The following RUNDC3A variants were observed in gnomAD, a reference collection of about 807,000 sequenced individuals.
RUNDC3A encodes RUN domain-containing protein 3A.
Under a neutral mutation model 53.9 loss-of-function variants are expected in RUNDC3A, and 28 were observed. The ratio of observed to expected loss-of-function variants is 0.52; its 90% CI spans 0.38 to 0.71. RUNDC3A has a LOEUF of 0.71. Among genes scored for constraint, RUNDC3A ranks in the 30% least tolerant of loss-of-function variants. The pLI is 0.00. For missense variants in RUNDC3A, 491 were observed against 597.3 expected (o/e 0.82, Z 1.85); for synonymous variants, 232 against 249.4 (o/e 0.93, Z 0.66).
chr17:44,318,331 T>G lies in RUNDC3A; in HGVS notation c.*93T>G. ...AGAGTCCCCCAATCCAGGCTACCCT[T>G]CCAGAGAACGCTACCCACCCAGCCA... On this transcript the variant is annotated 3_prime_UTR_variant, in exon 11 of 11. Transcript: ENST00000426726. 1 of 1,354,052 alleles carries G rather than the reference T, an allele frequency of 7.4e-7. No individual in the cohort carries two copies. Among genetic ancestry groups the G allele is most frequent in the South Asian group, 1.3e-5 (1 of 76,146 alleles). 83.9% of individuals were successfully genotyped at this position (1,354,052 alleles called of 1,614,324 possible). A position where few individuals can be genotyped will look rare whatever the true frequency, so the allele number is the denominator to read the frequency against.
rs1436118879 is a variant in RUNDC3A, at chr17:44,316,391, T to C, written c.960T>C (p.Gly320=). The part of the protein sequence containing the change: ...VILELQEQLT[G]LIPSDHAPLA... ...CTCCTCCTCCCCCTCCCAGGACAGGTCTGATCCCCAGTGACCACGCCCCTC... is the reference window on the plus strand; with the variant it reads ...CTCCTCCTCCCCCTCCCAGGACAGGCCTGATCCCCAGTGACCACGCCCCTC... The change falls in exon 9 of 11, where the codon GGT becomes GGC. Residue 320 remains glycine, a synonymous_variant. Transcript: ENST00000426726. 3 of 1,613,092 alleles carry C rather than the reference T, an allele frequency of 1.9e-6. No individual in the cohort carries two copies. The highest frequency in any genetic ancestry group is 1.7e-6 in the Non-Finnish European group (2 of 1,179,328).
Position 44,318,190 on chromosome 17 carries a change from C to G in RUNDC3A, c.1293C>G (p.Cys431Trp). ...TGGCGAGCTTCAAATCCAACGAGTG[C>G]CTGGTGAGCGACAGTCCCGAGGGCA... Reference protein sequence around the residue: ...KSLASFKSNECLVSDSPEGSP... With the variant: ...KSLASFKSNEWLVSDSPEGSP... Residue 431 changes from cysteine (C) to tryptophan (W), a missense_variant, in exon 11 of 11, where the codon TGC becomes TGG. Cys to Trp is a radical substitution (Grantham distance 215). Transcript: ENST00000426726. 6.4e-7 allele frequency: 1 copy of G among 1,551,456 alleles called. No homozygotes were observed. Among genetic ancestry groups the G allele is most frequent in the Non-Finnish European group, 8.7e-7 (1 of 1,147,004 alleles).
At chr17:44,317,441 A>G (rs756227870) in intron 10 of RUNDC3A, 2 of 780,784 alleles carry the variant, frequency 2.6e-6, no homozygotes. Flanking sequence ...CACACTGTGA[A>G]CTACTTGCCT....
intron 4 of RUNDC3A, 74 bp downstream of exon 4, chr17:44,313,577 A>C (rs967244821): frequency 6.5e-7 from 1 of 1,527,248 alleles, no homozygotes. Context: ...CTGATCCTTA[A>C]GTTCCTGCAG....
At position 44,316,432 on chromosome 17, in the gene RUNDC3A, A is replaced by G; in HGVS notation, c.1001A>G (p.Lys334Arg). The G allele has an allele frequency of 1.2e-6, 2 of 1,613,748 alleles. No individual in the cohort carries two copies. Among genetic ancestry groups the G allele is most frequent in the South Asian group, 1.1e-5 (1 of 91,074 alleles). The change falls in exon 9 of 11, where the codon AAG becomes AGG. Residue 334 changes from lysine to arginine, a missense_variant. By Grantham distance (26) the Lys-to-Arg change is conservative (BLOSUM62 2). Transcript: ENST00000426726. ...CACGCCCCTCTGGCCCAGGGTTCCAAGGAGCTCACTACACCCCTGGTCAAT... is the reference window on the plus strand; with the variant it reads ...CACGCCCCTCTGGCCCAGGGTTCCAGGGAGCTCACTACACCCCTGGTCAAT... Reference protein sequence around the residue: ...SDHAPLAQGSKELTTPLVNQW... With the variant: ...SDHAPLAQGSRELTTPLVNQW...
At chr17:44,317,026 TGTA>T in intron 10 of RUNDC3A, 1 of 413,490 alleles carries the variant, frequency 2.4e-6, no homozygotes, top group Non-Finnish European at 4.3e-6. Flanking sequence ...GGCTAATTTG[TGTA>T]TTTTTAGTAG....
chr17:44,317,993 C>A, intron 10 of RUNDC3A, 103 bp from the exon 11 acceptor site: 2 of 1,228,978 alleles, frequency 1.6e-6, no homozygotes, highest in Non-Finnish European at 1.1e-6. Flanking sequence ...ATGCCAAGGT[C>A]TCCTGGGGGG....
chr17:44,314,693 C>T (rs2047821011), intron 4 of RUNDC3A, 42 bp from the exon 5 acceptor site: 1 of 1,497,414 alleles, frequency 6.7e-7, no homozygotes, highest in African/African-American at 1.4e-5. Context: ...GGGGGGCGCT[C>T]CAGGGGCCTG....
In RUNDC3A at chr17:44,316,007, C is replaced by T. The variant is rs762839417; in HGVS notation, c.954-378C>T. ...CGTCATCATCCGCCGTGACCCCCGA[C>T]CTCACCCCTGCCGATCCCTGTAACA... On this transcript the variant is annotated intron_variant, in intron 8 of 10. Coordinates refer to ENST00000426726, the MANE Select transcript of RUNDC3A (RefSeq NM_001144825.2). Among the ~76,000 whole-genome samples the T allele has an allele frequency of 3.5e-4, 53 of 152,200 alleles. No individual in the cohort carries two copies. The Middle Eastern group carries it at 0.01, about 29-fold the overall frequency.
chr17:44,310,944 C>G (rs755310781), intron 1 of RUNDC3A: 3 of 985,470 alleles, frequency 3.0e-6, no homozygotes, highest in Non-Finnish European at 3.6e-6. Flanking sequence ...TCCTCACCAT[C>G]CCTGCCCAGC....
chr17:44,317,739 TC>T lies in RUNDC3A; in HGVS notation c.1199-352del, dbSNP rs2047899365. On this transcript the variant is annotated intron_variant, in intron 10 of 10. Coordinates refer to ENST00000426726, the MANE Select transcript of RUNDC3A (RefSeq NM_001144825.2). ...GTTTGTGATTGTCTGTGTGTCTGTC[TC>T]CCCCACCAGACTGTGAGCTCCATGA... 3 of 612,510 alleles carry T rather than the reference TC, an allele frequency of 4.9e-6. No homozygotes were observed. The South Asian group carries it at 5.8e-5, about 12-fold the overall frequency. 37.9% of individuals were successfully genotyped at this position (612,510 alleles called of 1,614,324 possible).
At position 44,315,669 on chromosome 17, in the gene RUNDC3A, A is replaced by C; in HGVS notation, c.953+60A>C. ...GCCGCCCCGACCACATCACCGGGTGAACCCCATCTTCACTTCCATCGACTC... is the reference window on the plus strand; with the variant it reads ...GCCGCCCCGACCACATCACCGGGTGCACCCCATCTTCACTTCCATCGACTC... On this transcript the variant is annotated intron_variant, in intron 8 of 10. Coordinates refer to ENST00000426726, the MANE Select transcript of RUNDC3A (RefSeq NM_001144825.2). This position sits in a 1 kb window ranked among gnomAD's most constrained non-coding sequence, Gnocchi z 6.1. 1 of 1,305,798 alleles carries C rather than the reference A, an allele frequency of 7.7e-7. No homozygotes were observed. Among genetic ancestry groups the C allele is most frequent in the Non-Finnish European group, 9.9e-7 (1 of 1,010,030 alleles). 80.9% of individuals were successfully genotyped at this position (1,305,798 alleles called of 1,614,324 possible).
intron 2 of RUNDC3A, 40 bp from the exon 3 acceptor site, chr17:44,313,064 C>T: frequency 6.2e-7 from 1 of 1,607,240 alleles, no homozygotes. Context: ...CCTCTCCAAA[C>T]TCCCTGGTCT....
intron 10 of RUNDC3A, 71 bp downstream of exon 10, chr17:44,316,796 C>A: frequency 3.7e-6 from 3 of 809,886 alleles, no homozygotes; most frequent in Non-Finnish European, 3.9e-6. Context: ...GGCCTCAAGG[C>A]ATGTCCTCAT....
At chr17:44,311,277 A>C (rs1037461697) in intron 1 of RUNDC3A, 1 of 985,384 alleles carries the variant, frequency 1.0e-6, no homozygotes, top group African/African-American at 1.7e-5. Context: ...TAGAGGACAA[A>C]GGGCGGTGGA....
rs577859344 is a variant in RUNDC3A at position 44,318,251 on chromosome 17, G to C, written c.*13G>C. 8.2e-5 allele frequency: 126 copies of C among 1,545,950 alleles called. No individual in the cohort carries two copies. The highest frequency in any genetic ancestry group is 1.0e-4 in the Non-Finnish European group (118 of 1,143,516). ...GAGCCCCAGCTGAGGAACAGCATGG[G>C]CAGTGCCAGCCCCACCTGCCAGGGG... On this transcript the variant is annotated 3_prime_UTR_variant, in exon 11 of 11. Coordinates refer to ENST00000426726, the MANE Select transcript of RUNDC3A (RefSeq NM_001144825.2).
Position 44,308,646 on chromosome 17 carries a change from G to A in RUNDC3A, c.-187G>A, listed in dbSNP as rs932942554. On this transcript the variant is annotated 5_prime_UTR_variant, in exon 1 of 11. Coordinates refer to ENST00000426726, the MANE Select transcript of RUNDC3A (RefSeq NM_001144825.2). ...AGAGCTCCCTCCCCGGCCTTGTTTTGCTCTGGCATCGCCGCCGGGGGAGGG... is the reference window on the plus strand; with the variant it reads ...AGAGCTCCCTCCCCGGCCTTGTTTTACTCTGGCATCGCCGCCGGGGGAGGG... 6.4e-6 allele frequency: 3 copies of A among 468,018 alleles called. No homozygotes were observed. Among genetic ancestry groups the A allele is most frequent in the African/African-American group, 6.1e-5 (3 of 49,252 alleles). 29.0% of individuals were successfully genotyped at this position (468,018 alleles called of 1,614,324 possible).
chr17:44,318,005 G>C (rs1363807686), intron 10 of RUNDC3A, 91 bp from the exon 11 acceptor site: 3 of 1,331,500 alleles, frequency 2.3e-6, no homozygotes, highest in Non-Finnish European at 3.1e-6. Flanking sequence ...CCTGGGGGGT[G>C]ACTTGAGGGC....
chr17:44,316,326 ATC>A, intron 8 of RUNDC3A, 57 bp from the exon 9 acceptor site: 1 of 1,513,034 alleles, frequency 6.6e-7, no homozygotes, highest in Non-Finnish European at 9.1e-7. Context: ...CCCTTGCTGA[ATC>A]TCCCTTCCTC....
Sources: allele counts gnomAD v4.1 joint callset (sites outside exome capture counted in the v4.1 genomes callset), GRCh38; gene constraint gnomAD v4.1.1; non-coding constraint Gnocchi (gnomAD v3.1); transcripts MANE v1.5; gene names NCBI Gene and HGNC (gene_info 2026-07-23, HGNC 2026-07-21).